GHRHR: variants seen among roughly 807,000 people sequenced by gnomAD.
GHRHR encodes the protein growth hormone releasing hormone receptor, also known as growth hormone-releasing hormone receptor.
Under a neutral mutation model 58.3 loss-of-function variants are expected in GHRHR, and 40 were observed. That is an observed-to-expected ratio of 0.69 (90% CI 0.53 to 0.89). The LOEUF (loss-of-function observed/expected upper bound fraction) is 0.89. Ranked by LOEUF, GHRHR falls within the 40% of genes least tolerant of loss-of-function variation. GHRHR has a pLI of 0.00. For missense variants in GHRHR, 551 were observed against 541.3 expected (o/e 1.02, Z -0.18); for synonymous variants, 249 against 216.6 (o/e 1.15, Z -1.31).
At chr7:30,965,646 G>T (rs1482060559) in intron 1 of GHRHR, among the ~76,000 whole-genome samples, 1 of 152,120 alleles carries the variant, frequency 6.6e-6, no homozygotes, top group Non-Finnish European at 1.5e-5. Context: ...CATCCTTTTG[G>T]CATGAGGCTG....
chr7:30,974,071 C>T lies in GHRHR; in HGVS notation c.684C>T (p.Asn228=). The T allele has an allele frequency of 1.2e-6, 2 of 1,614,188 alleles. No individual in the cohort carries two copies. The highest frequency in any genetic ancestry group is 1.7e-6 in the Non-Finnish European group (2 of 1,180,012). ...TGTTGGCAGAAGCCGTCTACCTGAA[C>T]TGCCTCCTGGCCTCCACCTCCCCCA... is the stretch of plus-strand genomic sequence containing the variant. ...SWLLAEAVYL[N]CLLASTSPSS... The change falls in exon 7 of 13, where the codon AAC becomes AAT. Residue 228 remains asparagine (N), a synonymous_variant. Coordinates refer to ENST00000326139, the MANE Select transcript of GHRHR (RefSeq NM_000823.4).
rs529351362 is a variant in GHRHR at position 30,977,341 on chromosome 7, T to C, written c.1146+19T>C. 94 of 1,611,304 alleles carry C rather than the reference T, an allele frequency of 5.8e-5. No individual in the cohort carries two copies. The Middle Eastern group carries it at 2.2e-3, about 37-fold the overall frequency. ...CCAAGAGGTGTGTGATTTTTGAGGC[T>C]ATCCCTCATGGAGTCCCCCTCCCAC... On this transcript the variant is annotated intron_variant, in intron 12 of 12. Transcript: ENST00000326139.
chr7:30,978,001 A>G (rs888852673), intron 12 of GHRHR, among the ~76,000 whole-genome samples: 2 of 151,882 alleles, frequency 1.3e-5, no homozygotes, highest in African/African-American at 4.8e-5. Flanking sequence ...GAGGCGGGGG[A>G]GAATTGATCT....
At chr7:30,965,514 T>C (rs943376239) in intron 1 of GHRHR, among the ~76,000 whole-genome samples, 1 of 152,156 alleles carries the variant, frequency 6.6e-6, no homozygotes, top group African/African-American at 2.4e-5. Flanking sequence ...ATCCTTCCAC[T>C]CCCACCACTT....
chr7:30,974,464 T>G lies in GHRHR; in HGVS notation c.787T>G (p.Cys263Gly). The G allele has an allele frequency of 8.1e-6, 13 of 1,613,312 alleles. No individual in the cohort carries two copies. Among genetic ancestry groups the G allele is most frequent in the Non-Finnish European group, 1.1e-5 (13 of 1,179,222 alleles). ...PVLFTGTWVS[C>G]KLAFEDIACW... ...GCTCTTCACTGGCACGTGGGTGAGC[T>G]GCAAACTGGCCTTCGAGGACATCGC... is the stretch of plus-strand genomic sequence containing the variant. Residue 263 changes from cysteine to glycine, a missense_variant, in exon 8 of 13, where the codon TGC becomes GGC. By Grantham distance (159) the Cys-to-Gly change is radical. Transcript: ENST00000326139.
intron 1 of GHRHR, among the ~76,000 whole-genome samples, chr7:30,967,035 G>T (rs896430355): frequency 6.7e-6 from 1 of 148,648 alleles, no homozygotes; most frequent in Non-Finnish European, 1.5e-5. Flanking sequence ...AAGCCTGGGG[G>T]AACAGACATC....
chr7:30,974,631 T>C, intron 8 of GHRHR, 142 bp downstream of exon 8: 2 of 732,172 alleles, frequency 2.7e-6, no homozygotes, highest in South Asian at 2.9e-5. Flanking sequence ...GAGAACAGTC[T>C]GTGAGTAGCA....
intron 1 of GHRHR, among the ~76,000 whole-genome samples, chr7:30,967,383 C>T (rs997423250): frequency 2.6e-5 from 4 of 152,080 alleles, no homozygotes; most frequent in African/African-American, 9.7e-5. Context: ...AGAAGATTCC[C>T]AAAAAAACCC....
intron 3 of GHRHR, 121 bp from the exon 4 acceptor site, chr7:30,969,746 G>A (rs1276858847): frequency 1.1e-6 from 1 of 940,614 alleles, no homozygotes. Flanking sequence ...CACCCTCTCT[G>A]TTGCTCAGAG....
At chr7:30,970,704 T>G (rs1792463812) in intron 4 of GHRHR, among the ~76,000 whole-genome samples, 1 of 152,218 alleles carries the variant, frequency 6.6e-6, no homozygotes, top group Non-Finnish European at 1.5e-5. Context: ...CCTGCCTGCC[T>G]GTGGCTGTCC....
chr7:30,969,277 T>A (rs1036622816), intron 3 of GHRHR, 107 bp downstream of exon 3: 75 of 779,480 alleles, frequency 9.6e-5, no homozygotes, highest in Non-Finnish European at 1.5e-4. Flanking sequence ...GTATACCAAC[T>A]TCCCCTCTTC....
chr7:30,964,014 G>A lies in GHRHR; in HGVS notation c.-55G>A, dbSNP rs1221532540. The A allele has an allele frequency of 2.7e-6, 4 of 1,480,526 alleles. No homozygotes were observed. Among genetic ancestry groups the A allele is most frequent in the Admixed American group, 2.0e-5 (1 of 50,928 alleles). The allele number at this position is 1,480,526 out of a possible 1,614,324, so 91.7% of individuals were successfully genotyped here. On this transcript the variant is annotated 5_prime_UTR_variant, in exon 1 of 13. Coordinates refer to ENST00000326139, the MANE Select transcript of GHRHR (RefSeq NM_000823.4). ...GCTGTGTCAGGGGACAGCAGGGGAA[G>A]GAAGATAGCCAAGGCTTACTGAGGC...
At position 30,969,116 on chromosome 7, in the gene GHRHR, G is replaced by T. The variant is rs121918117; in HGVS notation, c.214G>T (p.Glu72Ter). The change falls in exon 3 of 13, where the codon GAG (glutamate) becomes TAG (stop). Residue 72 changes from glutamate to a stop codon, truncating the protein, a stop_gained. Coordinates refer to ENST00000326139, the MANE Select transcript of GHRHR (RefSeq NM_000823.4). LOFTEE classifies it high-confidence loss of function. ...GTGCTGGCCAACGGCAGGCTCTGGC[G>T]AGTGGGTCACCCTCCCCTGCCCGGA... ...LLCWPTAGSG[E>*]WVTLPCPDFF... The T allele has an allele frequency of 7.7e-5, 122 of 1,579,438 alleles. No individual in the cohort carries two copies. The South Asian group carries it at 1.3e-3, about 17-fold the overall frequency.
intron 1 of GHRHR, among the ~76,000 whole-genome samples, chr7:30,965,968 C>T (rs1280824315): frequency 6.6e-6 from 1 of 152,176 alleles, no homozygotes; most frequent in Non-Finnish European, 1.5e-5. Context: ...AGAGCTGAGT[C>T]CGGGGCACCC....
At chr7:30,972,327 C>T (rs547009003) in intron 6 of GHRHR, among the ~76,000 whole-genome samples, 15 of 152,184 alleles carry the variant, frequency 9.9e-5, no homozygotes, top group East Asian at 3.9e-4. Context: ...TGCTCTACTC[C>T]GCGTTCTGTA....
chr7:30,973,842 C>T (rs1562594424), intron 6 of GHRHR, 143 bp from the exon 7 acceptor site: 4 of 748,420 alleles, frequency 5.3e-6, no homozygotes, highest in East Asian at 5.2e-5. Context: ...TCACCACATC[C>T]CCTCTTGGGT....
chr7:30,969,203 G>A, intron 3 of GHRHR, 33 bp downstream of exon 3: 3 of 1,386,092 alleles, frequency 2.2e-6, no homozygotes, highest in Non-Finnish European at 3.0e-6. Context: ...GTGGGAAAGG[G>A]AGGTGCTTTC....
chr7:30,969,830 AAGG>A (rs776842530), intron 3 of GHRHR, 34 bp from the exon 4 acceptor site: 2 of 1,609,396 alleles, frequency 1.2e-6, no homozygotes, highest in Non-Finnish European at 1.7e-6. Flanking sequence ...GGGGAGAGGG[AAGG>A]AGTTGTGGCT....
intron 10 of GHRHR, 51 bp from the exon 11 acceptor site, chr7:30,976,378 C>G (rs371934376): frequency 1.1e-5 from 18 of 1,578,660 alleles, no homozygotes; most frequent in Non-Finnish European, 1.5e-5. Flanking sequence ...GAAGTGCACA[C>G]GACAGTTTCT....
Sources: gnomAD v4.1 joint callset for allele counts (sites outside exome capture counted in the v4.1 genomes callset) on GRCh38, gnomAD v4.1.1 for gene constraint, MANE v1.5 for transcripts, NCBI Gene and HGNC (gene_info 2026-07-23, HGNC 2026-07-21) for gene names.